Variants in CFAP54 observed in about 807,000 individuals in gnomAD.
The protein encoded by CFAP54 is cilia- and flagella-associated protein 54.
CFAP54 carries 290 observed loss-of-function variants against 370.4 expected under a neutral mutation model. That is an observed-to-expected ratio of 0.78 (90% confidence interval 0.71 to 0.86). The LOEUF is 0.86. CFAP54 is among the 40% of genes least tolerant of loss of function. The pLI, the probability that CFAP54 is intolerant of heterozygous loss-of-function variation, is 0.00. For missense variants in CFAP54, 3,399 were observed against 3,528.7 expected (o/e 0.96, Z 0.93); for synonymous variants, 1,206 against 1,236.5 (o/e 0.98, Z 0.52).
chr12:96,846,883 C>A lies in CFAP54; in HGVS notation c.9172-13936C>A, dbSNP rs567578134. Among the ~76,000 whole-genome samples, 3 of 152,224 alleles carry A rather than the reference C, an allele frequency of 2.0e-5. No individual in the cohort carries two copies. In the South Asian group the frequency reaches 6.2e-4, roughly 32 times the overall value. ...CAGCTTTTCCTGACACCAAGCAATT[C>A]TATGATTTTCTGACACCAACTGGGT... On this transcript the variant is annotated intron_variant, in intron 66 of 67. Coordinates refer to ENST00000524981, the MANE Select transcript of CFAP54 (RefSeq NM_001306084.2).
chr12:96,827,716 A>T (rs1171572797), intron 65 of CFAP54, among the ~76,000 whole-genome samples: 1 of 127,526 alleles, frequency 7.8e-6, no homozygotes. Flanking sequence ...ATATATAATT[A>T]TATATAATTA....
At chr12:96,829,199 A>G in intron 66 of CFAP54, 111 bp downstream of exon 66, 2 of 513,916 alleles carry the variant, frequency 3.9e-6, no homozygotes, top group Non-Finnish European at 6.6e-6. Context: ...AACCCTCCTT[A>G]TTAATGTGAA....
intron 26 of CFAP54, among the ~76,000 whole-genome samples, chr12:96,613,967 T>A (rs1956388913): frequency 6.6e-6 from 1 of 152,166 alleles, no homozygotes; most frequent in South Asian, 2.1e-4. Context: ...CTTCTGAAAC[T>A]ATTCCAATCA....
rs1958061974 is a variant in CFAP54 at position 96,742,367 on chromosome 12, T to A, written c.7072-72T>A. On this transcript the variant is annotated intron_variant, in intron 51 of 67. Transcript: ENST00000524981. Reference sequence around the variant, plus strand: ...ATACCAGATGCCTTTTAAACTTACATTACATTTAGTCTTAGGCTAGAACCT... The same window carrying A: ...ATACCAGATGCCTTTTAAACTTACAATACATTTAGTCTTAGGCTAGAACCT... 3.1e-5 allele frequency: 35 copies of A among 1,146,150 alleles called. No individual in the cohort carries two copies. In the South Asian group the frequency reaches 5.1e-4, roughly 17 times the overall value. 71.0% of individuals were successfully genotyped at this position (1,146,150 alleles called of 1,614,324 possible).
chr12:96,625,583 G>T, intron 28 of CFAP54, 135 bp from the exon 29 acceptor site: 2 of 500,302 alleles, frequency 4.0e-6, no homozygotes, highest in East Asian at 3.3e-5. Flanking sequence ...GCTATTTTAA[G>T]GCACATAATT....
At chr12:96,723,189 T>A (rs1957779948) in intron 50 of CFAP54, among the ~76,000 whole-genome samples, 2 of 152,038 alleles carry the variant, frequency 1.3e-5, no homozygotes, top group South Asian at 4.1e-4. Flanking sequence ...AAAAATACAA[T>A]GATAAGAATA....
chr12:96,806,190 ATATATATATATATATATATATAT>A lies in CFAP54; in HGVS notation c.8851-5545_8851-5523del, dbSNP rs1565984880. Among the ~76,000 whole-genome samples, 777 of 88,340 alleles carry A rather than the reference ATATATATATATATATATATATAT, an allele frequency of 8.8e-3. 34 individuals carry two copies. The highest frequency in any genetic ancestry group is 0.028 in the African/African-American group (670 of 24,054). The allele number at this position is 88,340 out of a possible 152,430, so 58.0% of individuals were successfully genotyped here. A position where few individuals can be genotyped will look rare whatever the true frequency, so the allele number is the denominator to read the frequency against. On this transcript the variant is annotated intron_variant, in intron 63 of 67. Transcript: ENST00000524981. ...TATATATATATATATATATATATAT[ATATATATATATATATATATATAT>A]AATAACAACATAAAAAGAAAGTTGG...
At chr12:96,650,171 A>G (rs1208758623) in intron 35 of CFAP54, 99 bp downstream of exon 35, 1 of 1,091,356 alleles carries the variant, frequency 9.2e-7, no homozygotes, top group African/African-American at 1.6e-5. Flanking sequence ...TATTATACAT[A>G]ATTTTAGTTG....
intron 33 of CFAP54, chr12:96,645,917 A>T (rs2136494658): frequency 6.6e-6 from 1 of 152,344 alleles, no homozygotes; most frequent in South Asian, 2.1e-4. Flanking sequence ...TTGAAACTGG[A>T]TCCCTTCCTT....
intron 14 of CFAP54, among the ~76,000 whole-genome samples, chr12:96,544,412 C>T (rs1467858548): frequency 1.7e-4 from 1 of 5,852 alleles, no homozygotes; most frequent in Non-Finnish European, 7.0e-4. Flanking sequence ...AACAGAATAT[C>T]TCTCTCTCTC....
At chr12:96,497,997 AG>A (rs1231733038) in intron 1 of CFAP54, among the ~76,000 whole-genome samples, 6 of 152,234 alleles carry the variant, frequency 3.9e-5, no homozygotes, top group African/African-American at 1.4e-4. Context: ...TTCCTGTGCG[AG>A]ATCCAAGAGC....
chr12:96,780,429 C>G (rs778330083), intron 60 of CFAP54, among the ~76,000 whole-genome samples: 4 of 151,872 alleles, frequency 2.6e-5, no homozygotes, highest in Non-Finnish European at 5.9e-5. Context: ...CGAAAAAGAC[C>G]CCTTCTTTAC....
intron 32 of CFAP54, among the ~76,000 whole-genome samples, chr12:96,636,028 T>C (rs1042570457): frequency 1.3e-5 from 2 of 152,158 alleles, no homozygotes; most frequent in Admixed American, 1.3e-4. Flanking sequence ...GGTCTCACCC[T>C]CTAATCATGT....
chr12:96,609,048 C>T (rs1167714197), intron 26 of CFAP54, among the ~76,000 whole-genome samples: 3 of 152,072 alleles, frequency 2.0e-5, no homozygotes, highest in South Asian at 2.1e-4. Flanking sequence ...CGATGACAAA[C>T]AATGCTTGAA....
chr12:96,863,061 A>ACTTT (rs1959915696), intron 67 of CFAP54, among the ~76,000 whole-genome samples: 1 of 152,124 alleles, frequency 6.6e-6, no homozygotes. Flanking sequence ...CTAGTTAGAT[A>ACTTT]CTTTCTGTTT....
chr12:96,547,832 C>CT (rs896852498), intron 14 of CFAP54, 70 bp from the exon 15 acceptor site: 82 of 728,070 alleles, frequency 1.1e-4, no homozygotes, highest in Middle Eastern at 2.4e-4. Flanking sequence ...CCTACTTTTC[C>CT]TTTTTTTTCA....
In CFAP54 at chr12:96,720,419, G is replaced by A. The variant is rs1236038895; in HGVS notation, c.6819G>A (p.Met2273Ile). ...TLSMLKSMLL[M>I]EAEDRLNFLL... ...CCTTTCCTTAGTCGATGTTACTGAT[G>A]GAAGCTGAGGACAGGCTAAACTTCC... The change falls in exon 50 of 68, where the codon ATG becomes ATA. Residue 2273 changes from methionine to isoleucine, a missense_variant. Met to Ile is a conservative substitution (Grantham distance 10). This residue lies in a region of CFAP54 where 2,796 missense variants were observed against 2,869.7 expected (regional missense o/e 0.97). Coordinates refer to ENST00000524981, the MANE Select transcript of CFAP54 (RefSeq NM_001306084.2). 3.3e-6 allele frequency: 5 copies of A among 1,527,788 alleles called. No individual in the cohort carries two copies. Among genetic ancestry groups the A allele is most frequent in the Non-Finnish European group, 4.4e-6 (5 of 1,132,234 alleles). The allele number at this position is 1,527,788 out of a possible 1,614,324, so 94.6% of individuals were successfully genotyped here.
At chr12:96,849,192 G>T (rs1468926048) in intron 66 of CFAP54, among the ~76,000 whole-genome samples, 1 of 152,226 alleles carries the variant, frequency 6.6e-6, no homozygotes, top group African/African-American at 2.4e-5. Flanking sequence ...ATATGGTGGA[G>T]AAACTCATAT....
At chr12:96,663,972 A>G (rs541414123) in intron 39 of CFAP54, 40 bp downstream of exon 39, 1 of 1,473,396 alleles carries the variant, frequency 6.8e-7, no homozygotes, top group East Asian at 2.3e-5. Context: ...TTTTCTCTAA[A>G]TCGAGGTTTG....
Sources: gnomAD v4.1 joint callset for allele counts (sites outside exome capture counted in the v4.1 genomes callset) on GRCh38, gnomAD v4.1.1 for gene constraint, gnomAD v4.1.1 regional missense constraint, MANE v1.5 for transcripts, NCBI Gene and HGNC (gene_info 2026-07-23, HGNC 2026-07-21) for gene names.